Variants in PLEKHM3 observed in about 807,000 individuals in gnomAD.
PLEKHM3 encodes the protein pleckstrin homology domain containing M3.
A neutral mutation model predicts 81.8 loss-of-function variants in PLEKHM3; 45 were observed. The observed-to-expected ratio is 0.55, with a 90% confidence interval of 0.43 to 0.71. The LOEUF (loss-of-function observed/expected upper bound fraction) is 0.71. Ranked by LOEUF, PLEKHM3 falls within the 30% of genes least tolerant of loss-of-function variation. The pLI, the probability that PLEKHM3 is intolerant of heterozygous loss-of-function variation, is 0.00. For missense variants in PLEKHM3, 788 were observed against 924.3 expected (o/e 0.85, Z 1.91); for synonymous variants, 352 against 356.4 (o/e 0.99, Z 0.14).
intron 2 of PLEKHM3, among the ~76,000 whole-genome samples, chr2:207,982,107 C>T (rs1352452800): frequency 6.6e-6 from 1 of 152,152 alleles, no homozygotes; most frequent in Non-Finnish European, 1.5e-5. Context: ...TATATTTTCT[C>T]ATCCTTCTGA....
At chr2:207,925,049 G>A (rs958972619) in intron 5 of PLEKHM3, among the ~76,000 whole-genome samples, 2 of 152,074 alleles carry the variant, frequency 1.3e-5, no homozygotes, top group African/African-American at 2.4e-5. Context: ...AAGGGGCCAC[G>A]TCAGAAGTGA....
intron 1 of PLEKHM3, among the ~76,000 whole-genome samples, chr2:208,010,607 T>C (rs1692657393): frequency 6.6e-6 from 1 of 151,954 alleles, no homozygotes. Context: ...GCAACAGGAG[T>C]CACAGGTGAG....
chr2:207,926,091 G>A (rs941579078), intron 5 of PLEKHM3, among the ~76,000 whole-genome samples: 4 of 152,094 alleles, frequency 2.6e-5, no homozygotes, highest in Admixed American at 6.6e-5. Context: ...GAAAAACAGG[G>A]CAGCAATGTG....
In PLEKHM3 at chr2:207,908,575, A is replaced by G. The variant is rs1482020740; in HGVS notation, c.1889T>C (p.Ile630Thr). The change falls in exon 6 of 8, where the codon ATT becomes ACT. Residue 630 changes from isoleucine (I) to threonine (T), a missense_variant and splice_region_variant. Transcript: ENST00000427836. Reference protein sequence around the residue: ...AAVAEDLRRRIFPREYLLQQI... With the variant: ...AAVAEDLRRRTFPREYLLQQI... The stretch of plus-strand genomic sequence containing the variant: ...TTGAAGGAGGTATTCTCTGGGGAAA[A>G]TTCTGAAAACAAGGGCAGATAGACA... 2 of 1,611,106 alleles carry G rather than the reference A, an allele frequency of 1.2e-6. No homozygotes were observed. Among genetic ancestry groups the G allele is most frequent in the Non-Finnish European group, 1.7e-6 (2 of 1,178,592 alleles).
chr2:207,929,977 A>G (rs1209909910), intron 5 of PLEKHM3: 2 of 685,570 alleles, frequency 2.9e-6, no homozygotes, highest in Admixed American at 2.1e-5. Flanking sequence ...ATTTTTAGAG[A>G]CTTATGAACG....
Position 208,001,804 on chromosome 2 carries a change from T to C in PLEKHM3, c.-165A>G. On this transcript the variant is annotated 5_prime_UTR_variant, in exon 2 of 8. Transcript: ENST00000427836. ...AGGCCAAACCCAAAGTGGTTGATGT[T>C]TTCCTGGTAATTAAAAGCATTTGCT... 8.7e-7 allele frequency: 1 copy of C among 1,152,228 alleles called. No homozygotes were observed. The highest frequency in any genetic ancestry group is 1.2e-6 in the Non-Finnish European group (1 of 833,370). The allele number at this position is 1,152,228 out of a possible 1,614,324, so 71.4% of individuals were successfully genotyped here.
chr2:207,860,151 C>G (rs867656618), intron 7 of PLEKHM3, among the ~76,000 whole-genome samples: 278 of 110,736 alleles, frequency 2.5e-3, no homozygotes, highest in African/African-American at 7.1e-3. Flanking sequence ...AACTCTGCCT[C>G]TGTGTGTGTG....
chr2:207,846,650 G>T (rs2092384796), intron 7 of PLEKHM3, among the ~76,000 whole-genome samples: 1 of 151,864 alleles, frequency 6.6e-6, no homozygotes, highest in African/African-American at 2.4e-5. Flanking sequence ...TTGAGCCTGG[G>T]AGGCAGAGGT....
Position 207,908,582 on chromosome 2 carries a change from A to C in PLEKHM3, c.1887-5T>G. 3.1e-6 allele frequency: 5 copies of C among 1,607,488 alleles called. No homozygotes were observed. Among genetic ancestry groups the C allele is most frequent in the Non-Finnish European group, 4.3e-6 (5 of 1,175,580 alleles). ...AGGTATTCTCTGGGGAAAATTCTGA[A>C]AACAAGGGCAGATAGACAAGTGAAC... On this transcript the variant is annotated splice_region_variant and splice_polypyrimidine_tract_variant and intron_variant, in intron 5 of 7. Transcript: ENST00000427836.
chr2:207,913,979 G>A (rs1055238140), intron 5 of PLEKHM3, among the ~76,000 whole-genome samples: 25 of 151,858 alleles, frequency 1.6e-4, no homozygotes, highest in African/African-American at 5.1e-4. Context: ...GTGCGCACAC[G>A]CGCACACACA....
Position 207,985,790 on chromosome 2 carries a change from T to G in PLEKHM3, c.611-8204A>C, listed in dbSNP as rs912157525. On this transcript the variant is annotated intron_variant, in intron 2 of 7. Coordinates refer to ENST00000427836, the MANE Select transcript of PLEKHM3 (RefSeq NM_001080475.3). Reference sequence around the variant, plus strand: ...TCACAAGGTCAGGAGATCGAGACCATCCTGGCTAACACAGTGAAACCCCGT... The same window carrying G: ...TCACAAGGTCAGGAGATCGAGACCAGCCTGGCTAACACAGTGAAACCCCGT... Among the ~76,000 whole-genome samples, 5 of 152,056 alleles carry G rather than the reference T, an allele frequency of 3.3e-5. No homozygotes were observed. In the East Asian group the frequency reaches 9.7e-4, roughly 29 times the overall value.
chr2:207,968,001 T>G (rs992281161), intron 3 of PLEKHM3, among the ~76,000 whole-genome samples: 1 of 151,990 alleles, frequency 6.6e-6, no homozygotes, highest in Non-Finnish European at 1.5e-5. Flanking sequence ...GAGGGAACCA[T>G]TAGACAACAA....
chr2:207,896,787 CTT>C (rs1181187331), intron 6 of PLEKHM3, among the ~76,000 whole-genome samples: 1 of 152,212 alleles, frequency 6.6e-6, no homozygotes, highest in African/African-American at 2.4e-5. Flanking sequence ...CATGGCGTCT[CTT>C]TGTTTCTGCC....
intron 7 of PLEKHM3, among the ~76,000 whole-genome samples, chr2:207,847,888 T>C (rs1050098563): frequency 1.3e-5 from 2 of 152,192 alleles, no homozygotes; most frequent in South Asian, 4.1e-4. Context: ...ACTCCCTCCC[T>C]GAAGACCGGC....
At chr2:207,887,401 T>G (rs1373939965) in intron 6 of PLEKHM3, among the ~76,000 whole-genome samples, 1 of 152,192 alleles carries the variant, frequency 6.6e-6, no homozygotes, top group East Asian at 1.9e-4. Flanking sequence ...CACAAAAATA[T>G]CACACCACAG....
intron 7 of PLEKHM3, among the ~76,000 whole-genome samples, chr2:207,849,073 C>T (rs984698297): frequency 1.3e-5 from 2 of 152,120 alleles, no homozygotes; most frequent in Admixed American, 6.6e-5. Flanking sequence ...GTGGCTCATG[C>T]CTGTAATCTT....
At chr2:207,882,569 G>A (rs1171291926) in intron 6 of PLEKHM3, among the ~76,000 whole-genome samples, 4 of 130,334 alleles carry the variant, frequency 3.1e-5, no homozygotes, top group Non-Finnish European at 3.1e-5. Flanking sequence ...CCCAGATCGC[G>A]TCATTGCACT....
chr2:207,877,453 G>A (rs967749840), intron 6 of PLEKHM3, among the ~76,000 whole-genome samples: 4 of 152,176 alleles, frequency 2.6e-5, no homozygotes, highest in African/African-American at 9.7e-5. Context: ...GCAGAATTTT[G>A]TAGGAGTTGT....
In PLEKHM3 at chr2:207,825,149, G is replaced by A. The variant is rs1250511004; in HGVS notation, c.*3170C>T. The stretch of plus-strand genomic sequence containing the variant: ...GAACACTACCCCCATTCCAGTTGAC[G>A]GCTTTTTAAGTACTTTGTGGCCTTC... On this transcript the variant is annotated 3_prime_UTR_variant, in exon 8 of 8. Transcript: ENST00000427836. 5 of 152,118 alleles carry A rather than the reference G, an allele frequency of 3.3e-5. No homozygotes were observed. The highest frequency in any genetic ancestry group is 6.6e-5 in the Admixed American group (1 of 15,258). 9.4% of individuals were successfully genotyped at this position (152,118 alleles called of 1,614,324 possible).
Sources: gnomAD v4.1 joint callset for allele counts (sites outside exome capture counted in the v4.1 genomes callset) on GRCh38, gnomAD v4.1.1 for gene constraint, MANE v1.5 for transcripts, NCBI Gene and HGNC (gene_info 2026-07-23, HGNC 2026-07-21) for gene names.